The following OPCML variants were observed in gnomAD, a reference collection of about 807,000 sequenced individuals.
OPCML encodes opioid binding protein/cell adhesion molecule like, also known as opioid-binding protein/cell adhesion molecule.
Under a neutral mutation model 37.8 loss-of-function variants are expected in OPCML, and 13 were observed. The observed-to-expected ratio is 0.34, with a 90% CI of 0.22 to 0.55. The LOEUF (loss-of-function observed/expected upper bound fraction) is 0.55, where lower values mean the gene tolerates loss of function less well. OPCML is among the 20% of genes least tolerant of loss of function. OPCML has a pLI of 0.91. For missense variants in OPCML, 341 were observed against 435.6 expected (o/e 0.78, Z 1.93); for synonymous variants, 176 against 168.8 (o/e 1.04, Z -0.33).
chr11:132,586,431 C>T (rs776747213), intron 3 of OPCML, among the ~76,000 whole-genome samples: 1 of 152,172 alleles, frequency 6.6e-6, no homozygotes, highest in African/African-American at 2.4e-5. Flanking sequence ...AGCTGCTGTG[C>T]CAGATGTGGT....
intron 1 of OPCML, among the ~76,000 whole-genome samples, chr11:133,313,743 C>T (rs1263536218): frequency 6.6e-6 from 1 of 152,188 alleles, no homozygotes; most frequent in Non-Finnish European, 1.5e-5. Flanking sequence ...CAGAAACACA[C>T]ACCATCCTAC....
chr11:132,721,790 A>G (rs751681841), intron 2 of OPCML, among the ~76,000 whole-genome samples: 1 of 152,132 alleles, frequency 6.6e-6, no homozygotes, highest in Non-Finnish European at 1.5e-5. Context: ...AGAGGCAACA[A>G]AAATAGCCTC....
At chr11:132,679,608 G>A (rs948121667) in intron 2 of OPCML, among the ~76,000 whole-genome samples, 3 of 152,160 alleles carry the variant, frequency 2.0e-5, no homozygotes, top group African/African-American at 7.2e-5. Context: ...GCAGGAAATG[G>A]GGAATGACTG....
chr11:132,461,825 C>A (rs553374735), intron 4 of OPCML, among the ~76,000 whole-genome samples: 2 of 152,024 alleles, frequency 1.3e-5, no homozygotes, highest in Admixed American at 1.3e-4. Flanking sequence ...AAGTGCCAAG[C>A]GAAAGGGGAA....
At chr11:133,279,321 C>T (rs774826130) in intron 1 of OPCML, among the ~76,000 whole-genome samples, 1 of 152,136 alleles carries the variant, frequency 6.6e-6, no homozygotes. Context: ...TTTATTCATG[C>T]TACAAAATGC....
In OPCML at chr11:132,936,862, C is replaced by T. The variant is rs182844779; in HGVS notation, c.146+6064G>A. ...CATGCAAACTTGAGCTCCAATTATA[C>T]CTAACATGAGCAAGAGCGGCTTCAT... On this transcript the variant is annotated intron_variant, in intron 2 of 7. Coordinates refer to ENST00000524381, the MANE Select transcript of OPCML (RefSeq NM_001012393.5). 1.7e-3 allele frequency among the ~76,000 whole-genome samples: 259 copies of T among 152,192 alleles called. 1 individual carries two copies. The highest frequency in any genetic ancestry group is 6.0e-3 in the African/African-American group (248 of 41,524).
intron 3 of OPCML, among the ~76,000 whole-genome samples, chr11:132,535,207 G>A (rs1484215594): frequency 6.6e-6 from 1 of 152,008 alleles, no homozygotes; most frequent in Non-Finnish European, 1.5e-5. Context: ...CTAGCTACCA[G>A]AGTAAAAAGT....
chr11:132,532,206 C>T (rs1248181199), intron 3 of OPCML, among the ~76,000 whole-genome samples: 2 of 152,144 alleles, frequency 1.3e-5, no homozygotes, highest in East Asian at 1.9e-4. Flanking sequence ...GAAGTGGGAT[C>T]GCGAAGACTA....
At position 132,436,735 on chromosome 11, in the gene OPCML, C is replaced by T. The variant is rs145121891; in HGVS notation, c.688G>A (p.Gly230Ser). 8 of 1,613,938 alleles carry T rather than the reference C, an allele frequency of 5.0e-6. No individual in the cohort carries two copies. The highest frequency in any genetic ancestry group is 1.3e-5 in the African/African-American group (1 of 74,876). The change falls in exon 6 of 8, where the codon GGT (glycine) becomes AGT (serine). Residue 230 changes from glycine to serine, a missense_variant. Coordinates refer to ENST00000524381, the MANE Select transcript of OPCML (RefSeq NM_001012393.5). ...SKAKNTGVSVGQKGILSCEAS... is the reference protein window; with the variant it reads ...SKAKNTGVSVSQKGILSCEAS... ...TCACAGCTCAGGATGCCCTTCTGAC[C>T]GACTGAAACACCAGTGTTCTTGGCT...
At chr11:132,992,842 A>C (rs931988864) in intron 1 of OPCML, among the ~76,000 whole-genome samples, 1 of 152,172 alleles carries the variant, frequency 6.6e-6, no homozygotes, top group African/African-American at 2.4e-5. Context: ...CTAAGGATCA[A>C]ACTTCCTTGT....
chr11:133,408,678 T>G (rs1945577224), intron 1 of OPCML, among the ~76,000 whole-genome samples: 1 of 151,948 alleles, frequency 6.6e-6, no homozygotes, highest in Admixed American at 6.6e-5. Context: ...CTTGTACACA[T>G]GCCTATCCAC....
At chr11:132,811,831 T>C (rs561518865) in intron 2 of OPCML, among the ~76,000 whole-genome samples, 62 of 152,274 alleles carry the variant, frequency 4.1e-4, no homozygotes, top group Non-Finnish European at 7.8e-4. Context: ...AAACCATCCA[T>C]GGGTGTGAAG....
At chr11:132,819,370 G>A (rs1939835753) in intron 2 of OPCML, among the ~76,000 whole-genome samples, 1 of 150,716 alleles carries the variant, frequency 6.6e-6, no homozygotes, top group African/African-American at 2.4e-5. Flanking sequence ...AAAAAAAGGA[G>A]AGAGAGACAA....
chr11:132,487,988 T>C (rs1565606221), intron 4 of OPCML, among the ~76,000 whole-genome samples: 1 of 152,228 alleles, frequency 6.6e-6, no homozygotes, highest in African/African-American at 2.4e-5. Flanking sequence ...GTTTTTCTGC[T>C]GGATGTGCAG....
At chr11:132,593,127 G>A (rs537491980) in intron 3 of OPCML, among the ~76,000 whole-genome samples, 16 of 152,200 alleles carry the variant, frequency 1.1e-4, no homozygotes, top group Non-Finnish European at 2.1e-4. Flanking sequence ...GTCAGGGCAG[G>A]TGTGCAGGAA....
At chr11:132,790,374 C>G (rs574137539) in intron 2 of OPCML, among the ~76,000 whole-genome samples, 1 of 152,206 alleles carries the variant, frequency 6.6e-6, no homozygotes, top group Admixed American at 6.5e-5. Context: ...TGAAATGTTC[C>G]CAGCACAAAG....
Position 133,141,092 on chromosome 11 carries a change from AAGG to A in OPCML, c.62-198085_62-198083del, listed in dbSNP as rs377640645. On this transcript the variant is annotated intron_variant, in intron 1 of 7. Transcript: ENST00000524381. ...GAAGAAGAAGAAGAAGAAGAAGAAG[AAGG>A]AGAAGAAGAAGCAGCTGAATGCCAA... Among the ~76,000 whole-genome samples the A allele has an allele frequency of 8.2e-3, 900 of 110,296 alleles. 243 individuals carry two copies. Among genetic ancestry groups the A allele is most frequent in the African/African-American group, 0.035 (830 of 23,678 alleles). 72.4% of individuals were successfully genotyped at this position (110,296 alleles called of 152,430 possible). A position where few individuals can be genotyped will look rare whatever the true frequency, so the allele number is the denominator to read the frequency against.
Position 132,419,145 on chromosome 11 carries a change from A to C in OPCML, c.*1048T>G, listed in dbSNP as rs1044018597. The C allele has an allele frequency of 3.3e-5, 5 of 152,530 alleles. No homozygotes were observed. The highest frequency in any genetic ancestry group is 3.3e-4 in the Admixed American group (5 of 15,288). 9.4% of individuals were successfully genotyped at this position (152,530 alleles called of 1,614,324 possible). On this transcript the variant is annotated 3_prime_UTR_variant, in exon 8 of 8. Transcript: ENST00000524381. ...GTTGAAAGATAATTTTGAAGATGCC[A>C]ATGTCTGCTGATGGTGTATAAATGA...
At chr11:133,249,254 G>C (rs1442301849) in intron 1 of OPCML, among the ~76,000 whole-genome samples, 1 of 152,146 alleles carries the variant, frequency 6.6e-6, no homozygotes. Context: ...ACTCATGGCA[G>C]AAGGCAAAGC....
Sources: allele counts gnomAD v4.1 joint callset (sites outside exome capture counted in the v4.1 genomes callset), GRCh38; gene constraint gnomAD v4.1.1; transcripts MANE v1.5; gene names NCBI Gene and HGNC (gene_info 2026-07-23, HGNC 2026-07-21).